MTMR9: variants seen among roughly 807,000 people sequenced by gnomAD.
MTMR9 encodes the protein myotubularin-related protein 9.
In MTMR9, 39 loss-of-function variants were observed where a neutral mutation model predicts 69.5. That is an observed-to-expected ratio of 0.56 (90% CI 0.43 to 0.73). The LOEUF (loss-of-function observed/expected upper bound fraction) is 0.73, where lower values mean the gene tolerates loss of function less well. Among genes scored for constraint, MTMR9 ranks in the 30% least tolerant of loss-of-function variants. The pLI is 0.00. For synonymous variants in MTMR9, 354 were observed against 240.8 expected, an observed-to-expected ratio of 1.47 and a Z score of -4.35; for missense variants, 900 against 671.2, an observed-to-expected ratio of 1.34 and a Z score of -3.77.
downstream of MTMR9, chr8:11,331,250 C>T (rs1237678014): frequency 6.2e-7 from 1 of 1,613,728 alleles, no homozygotes; most frequent in Non-Finnish European, 8.5e-7. Flanking sequence ...TGGGTGGGGG[C>T]CTGCCTGCTG....
At chr8:11,298,719 C>T in intron 2 of MTMR9, 2 of 853,900 alleles carry the variant, frequency 2.3e-6, no homozygotes, top group South Asian at 1.2e-4. Context: ...TTCCCCGCTG[C>T]ACCCCCCCCC....
At chr8:11,311,160 T>C (rs1800182021) in intron 6 of MTMR9, among the ~76,000 whole-genome samples, 1 of 152,186 alleles carries the variant, frequency 6.6e-6, no homozygotes, top group Non-Finnish European at 1.5e-5. Flanking sequence ...AAGTACATGC[T>C]CATCCCCTTC....
At chr8:11,333,668 A>T in the MTMR9 span, among the ~76,000 whole-genome samples, 1 of 152,242 alleles carries the variant, frequency 6.6e-6, no homozygotes, top group East Asian at 1.9e-4. Flanking sequence ...GAATTAAAAG[A>T]CAAAAACATA....
At chr8:11,285,948 C>CTTTCT (rs1585101784) in intron 1 of MTMR9, among the ~76,000 whole-genome samples, 2 of 107,114 alleles carry the variant, frequency 1.9e-5, no homozygotes, top group East Asian at 2.8e-4. Flanking sequence ...TTCTTTCTTT[C>CTTTCT]TTTTTTTTTT....
intron 4 of MTMR9, among the ~76,000 whole-genome samples, chr8:11,305,568 A>C (rs1244665193): frequency 6.6e-6 from 1 of 152,330 alleles, no homozygotes; most frequent in East Asian, 1.9e-4. Flanking sequence ...AGTATAATAG[A>C]CATTGATTTC....
chr8:11,332,953 G>T (rs1157779591), downstream of MTMR9, among the ~76,000 whole-genome samples: 1 of 152,092 alleles, frequency 6.6e-6, no homozygotes, highest in Admixed American at 6.5e-5. Context: ...TTGAAGATAG[G>T]ATTATTGAAA....
intron 2 of MTMR9, among the ~76,000 whole-genome samples, chr8:11,296,849 G>T (rs7836248): frequency 1.3e-5 from 2 of 151,866 alleles, no homozygotes; most frequent in African/African-American, 2.4e-5. Context: ...GAATTTTCAC[G>T]TATCAATTAG....
chr8:11,301,059 A>C (rs1042110770), intron 3 of MTMR9, among the ~76,000 whole-genome samples: 2 of 152,246 alleles, frequency 1.3e-5, no homozygotes, highest in Non-Finnish European at 2.9e-5. Flanking sequence ...TTGCAGAAAC[A>C]AGTAGCAGGC....
Position 11,287,473 on chromosome 8 carries a change from TGTA to T in MTMR9, c.182+2406_182+2408del, listed in dbSNP as rs3840698. Among the ~76,000 whole-genome samples the T allele has an allele frequency of 8.7e-3, 1,320 of 151,666 alleles. 75 individuals carry two copies. In the East Asian group the frequency reaches 0.15, roughly 17 times the overall value. On this transcript the variant is annotated intron_variant, in intron 1 of 9. Transcript: ENST00000221086. ...ATCCTTTTCCTGGGAAGCAGCGTGGTGTAGTGAAAGAGCATAGGGGAGGCATCA... is the reference window on the plus strand; with the variant it reads ...ATCCTTTTCCTGGGAAGCAGCGTGGTGTGAAAGAGCATAGGGGAGGCATCA...
Position 11,284,856 on chromosome 8 carries a change from G to T in MTMR9, c.-33G>T, listed in dbSNP as rs1201296319. On this transcript the variant is annotated 5_prime_UTR_variant, in exon 1 of 10. Transcript: ENST00000221086. ...CGGGGTAACCGCCTCGCACCTACCG[G>T]GCTCGGTTCCCTGGCTCCGGCCGCG... 1.9e-6 allele frequency: 3 copies of T among 1,559,406 alleles called. No individual in the cohort carries two copies. Among genetic ancestry groups the T allele is most frequent in the African/African-American group, 3.1e-5 (2 of 65,534 alleles).
intron 1 of MTMR9, among the ~76,000 whole-genome samples, chr8:11,293,020 G>A (rs978951933): frequency 2.0e-5 from 3 of 152,164 alleles, no homozygotes; most frequent in Non-Finnish European, 2.9e-5. Context: ...AATGTTAACT[G>A]TAAAACAGCC....
At chr8:11,299,959 C>G in intron 2 of MTMR9, 64 bp from the exon 3 acceptor site, 1 of 1,559,844 alleles carries the variant, frequency 6.4e-7, no homozygotes, top group Non-Finnish European at 8.7e-7. Flanking sequence ...ACTAATTTGT[C>G]AGTTAGAATA....
the MTMR9 span, among the ~76,000 whole-genome samples, chr8:11,335,552 ACTT>A: frequency 6.6e-6 from 1 of 152,152 alleles, no homozygotes; most frequent in South Asian, 2.1e-4. Flanking sequence ...ATAGTGACAA[ACTT>A]CTTCTGAAGT....
intron 4 of MTMR9, 61 bp downstream of exon 4, chr8:11,305,075 G>T: frequency 1.3e-6 from 2 of 1,519,012 alleles, no homozygotes; most frequent in East Asian, 2.3e-5. Context: ...TCTTTTCGTA[G>T]AAATGTTCCC....
At chr8:11,319,998 A>T in intron 9 of MTMR9, 160 bp downstream of exon 9, 1 of 597,104 alleles carries the variant, frequency 1.7e-6, no homozygotes, top group Non-Finnish European at 2.7e-6. Context: ...TCTCTTTCAA[A>T]TCAGTTATCT....
At chr8:11,321,137 A>G (rs1317022548) in intron 9 of MTMR9, 1 of 168,024 alleles carries the variant, frequency 6.0e-6, no homozygotes, top group Admixed American at 6.1e-5. Context: ...GCTTCCTTCC[A>G]CCTCAGTTCA....
intron 3 of MTMR9, among the ~76,000 whole-genome samples, chr8:11,301,746 A>G (rs1799755103): frequency 6.6e-6 from 1 of 151,776 alleles, no homozygotes; most frequent in Non-Finnish European, 1.5e-5. Flanking sequence ...TTTTGTCTCA[A>G]AGTTGACTAA....
At chr8:11,289,889 A>G (rs1482908807) in intron 1 of MTMR9, among the ~76,000 whole-genome samples, 3 of 152,206 alleles carry the variant, frequency 2.0e-5, no homozygotes, top group Non-Finnish European at 4.4e-5. Flanking sequence ...CCTTTTAGGT[A>G]ACTTCCAACT....
At chr8:11,294,195 T>C (rs146985159) in intron 1 of MTMR9, among the ~76,000 whole-genome samples, 3 of 152,224 alleles carry the variant, frequency 2.0e-5, no homozygotes, top group African/African-American at 7.2e-5. Context: ...ATAAAGGTAG[T>C]TTTACTTCTT....
Sources: allele counts gnomAD v4.1 joint callset (sites outside exome capture counted in the v4.1 genomes callset), GRCh38; gene constraint gnomAD v4.1.1; transcripts MANE v1.5; gene names NCBI Gene and HGNC (gene_info 2026-07-23, HGNC 2026-07-21).